The following CCDC170 variants were observed in gnomAD, a reference collection of about 807,000 sequenced individuals.
The protein encoded by CCDC170 is coiled-coil domain-containing protein 170.
CCDC170 carries 69 observed loss-of-function variants against 72.6 expected under a neutral mutation model. That is an observed-to-expected ratio of 0.95 (90% CI 0.78 to 1.16). The LOEUF is 1.16. CCDC170 is among the 50% of genes most tolerant of loss of function. The pLI, the probability that CCDC170 is intolerant of heterozygous loss-of-function variation, is 0.00. For synonymous variants in CCDC170, 300 were observed against 303.9 expected (o/e 0.99, Z 0.13); for missense variants, 852 against 832.5 (o/e 1.02, Z -0.29).
chr6:151,534,500 G>A (rs187165912), intron 1 of CCDC170, among the ~76,000 whole-genome samples: 60 of 152,230 alleles, frequency 3.9e-4, no homozygotes, highest in Admixed American at 2.9e-3. Flanking sequence ...TATAAGTGAC[G>A]TATGTCCTCA....
In CCDC170 at chr6:151,538,025, T is replaced by TTTA. The variant is rs1782618829; in HGVS notation, c.187-20_187-19insTTA. On this transcript the variant is annotated intron_variant, in intron 2 of 10. Transcript: ENST00000239374. Reference sequence around the variant, plus strand: ...ATGTTGTTAAGGTTTTTTTTTTTTTTAACTTCTTTTCCATGTTAGCTTCAA... The same window carrying TTTA: ...ATGTTGTTAAGGTTTTTTTTTTTTTTTTAAACTTCTTTTCCATGTTAGCTTCAA... 6.4e-7 allele frequency: 1 copy of TTTA among 1,559,812 alleles called. No individual in the cohort carries two copies. Among genetic ancestry groups the TTTA allele is most frequent in the Non-Finnish European group, 8.6e-7 (1 of 1,160,026 alleles).
At chr6:151,600,052 A>G (rs1562296199) in intron 9 of CCDC170, among the ~76,000 whole-genome samples, 3 of 152,222 alleles carry the variant, frequency 2.0e-5, no homozygotes, top group Non-Finnish European at 4.4e-5. Flanking sequence ...ACACATTTCA[A>G]AGGAATGTTA....
At chr6:151,519,973 T>G (rs761970538) in intron 1 of CCDC170, among the ~76,000 whole-genome samples, 7 of 152,090 alleles carry the variant, frequency 4.6e-5, no homozygotes, top group Non-Finnish European at 8.8e-5. Flanking sequence ...ATCAGCAGGG[T>G]CTTTGTGACT....
At chr6:151,611,648 G>A (rs1776872719) in intron 9 of CCDC170, among the ~76,000 whole-genome samples, 1 of 152,178 alleles carries the variant, frequency 6.6e-6, no homozygotes, top group Non-Finnish European at 1.5e-5. Flanking sequence ...CAAACATTCA[G>A]ACTGTAGCAA....
intron 6 of CCDC170, among the ~76,000 whole-genome samples, chr6:151,583,614 C>G (rs146800858): frequency 2.6e-5 from 4 of 152,206 alleles, no homozygotes; most frequent in East Asian, 3.9e-4. Context: ...TGAGCCATCA[C>G]GTCCAGCTAA....
At chr6:151,507,939 G>A (rs1233846239) in intron 1 of CCDC170, among the ~76,000 whole-genome samples, 3 of 150,990 alleles carry the variant, frequency 2.0e-5, no homozygotes, top group African/African-American at 4.9e-5. Flanking sequence ...AAGAAAGAAA[G>A]AAAAGAAAAC....
chr6:151,586,099 C>A lies in CCDC170; in HGVS notation c.1293+10C>A, dbSNP rs199855937. ...TTTTGAGAAACAAAAAGTAATGACCCGAGGGCATGTCCATGAGTGGAAGCA... is the reference window on the plus strand; with the variant it reads ...TTTTGAGAAACAAAAAGTAATGACCAGAGGGCATGTCCATGAGTGGAAGCA... On this transcript the variant is annotated intron_variant, in intron 7 of 10. Transcript: ENST00000239374. 1 of 1,612,906 alleles carries A rather than the reference C, an allele frequency of 6.2e-7. No individual in the cohort carries two copies. Among genetic ancestry groups the A allele is most frequent in the Admixed American group, 1.7e-5 (1 of 59,946 alleles).
chr6:151,609,022 G>T (rs532198318), intron 9 of CCDC170, among the ~76,000 whole-genome samples: 2 of 152,250 alleles, frequency 1.3e-5, no homozygotes, highest in South Asian at 2.1e-4. Context: ...GCTCCAAGCT[G>T]ATCCTGGCTG....
At chr6:151,522,546 A>G (rs1782337219) in intron 1 of CCDC170, among the ~76,000 whole-genome samples, 1 of 152,132 alleles carries the variant, frequency 6.6e-6, no homozygotes. Context: ...TCTTTAAATT[A>G]GCCAATGGGA....
chr6:151,536,519 G>A lies in CCDC170; in HGVS notation c.186+73G>A, dbSNP rs1218286614. On this transcript the variant is annotated intron_variant, in intron 2 of 10. Coordinates refer to ENST00000239374, the MANE Select transcript of CCDC170 (RefSeq NM_025059.4). ...TTATAAAATGAAACAGATCACGCCT[G>A]TAATCCCAGCACTTTGGGAGGCTGA... 29 of 1,549,920 alleles carry A rather than the reference G, an allele frequency of 1.9e-5. No individual in the cohort carries two copies. In the Admixed American group the frequency reaches 4.6e-4, roughly 25 times the overall value.
chr6:151,529,407 G>A (rs1037225120), intron 1 of CCDC170, among the ~76,000 whole-genome samples: 6 of 151,956 alleles, frequency 3.9e-5, no homozygotes, highest in East Asian at 1.9e-4. Context: ...ACCTGTAATC[G>A]CAGCACTTTG....
chr6:151,555,752 T>C (rs1476195507), intron 5 of CCDC170, among the ~76,000 whole-genome samples: 1 of 152,222 alleles, frequency 6.6e-6, no homozygotes, highest in African/African-American at 2.4e-5. Context: ...ATCCGTTTTC[T>C]TATGGCCACC....
At chr6:151,501,752 T>C (rs1781998259) in intron 1 of CCDC170, among the ~76,000 whole-genome samples, 1 of 152,224 alleles carries the variant, frequency 6.6e-6, no homozygotes, top group African/African-American at 2.4e-5. Context: ...TGTAGTGTAT[T>C]TCAAACAATA....
At chr6:151,586,178 G>A in intron 7 of CCDC170, 89 bp downstream of exon 7, 1 of 1,344,044 alleles carries the variant, frequency 7.4e-7, no homozygotes. Context: ...ACAGTATTTA[G>A]TTTGGTTAAG....
At chr6:151,588,540 G>A (rs1583039783) in intron 7 of CCDC170, among the ~76,000 whole-genome samples, 1 of 152,160 alleles carries the variant, frequency 6.6e-6, no homozygotes, top group Admixed American at 6.5e-5. Context: ...ACCAAGTAGT[G>A]GTTTTGTGAA....
chr6:151,538,892 A>G (rs1275880092), intron 3 of CCDC170, among the ~76,000 whole-genome samples: 1 of 152,148 alleles, frequency 6.6e-6, no homozygotes, highest in Admixed American at 6.5e-5. Flanking sequence ...TACTTATTTC[A>G]TCTTAAAAAA....
At chr6:151,506,716 T>A (rs545435234) in intron 1 of CCDC170, among the ~76,000 whole-genome samples, 1 of 152,298 alleles carries the variant, frequency 6.6e-6, no homozygotes, top group East Asian at 1.9e-4. Context: ...TTTTTTTGGT[T>A]TTGTTTGTTT....
chr6:151,544,856 C>T, intron 4 of CCDC170, 140 bp downstream of exon 4: 1 of 729,096 alleles, frequency 1.4e-6, no homozygotes, highest in Non-Finnish European at 2.1e-6. Context: ...AACTGTATGA[C>T]TTGGGACAAG....
intron 5 of CCDC170, among the ~76,000 whole-genome samples, chr6:151,554,357 GA>G (rs1459962078): frequency 1.4e-4 from 21 of 152,228 alleles, no homozygotes; most frequent in African/African-American, 4.8e-4. Flanking sequence ...AGTGGTGTTA[GA>G]GTCAGGCAGG....
Sources: allele counts gnomAD v4.1 joint callset (sites outside exome capture counted in the v4.1 genomes callset), GRCh38; gene constraint gnomAD v4.1.1; transcripts MANE v1.5; gene names NCBI Gene and HGNC (gene_info 2026-07-23, HGNC 2026-07-21).